Variants in LINGO2 observed in about 807,000 individuals in gnomAD.
The protein encoded by LINGO2 is leucine rich repeat and Ig domain containing 2, also known as leucine-rich repeat and immunoglobulin-like domain-containing nogo receptor-interacting protein 2.
A neutral mutation model predicts 30.6 loss-of-function variants in LINGO2; 14 were observed. The ratio of observed to expected loss-of-function variants is 0.46; its 90% confidence interval spans 0.30 to 0.72. The LOEUF is 0.72. Among genes scored for constraint, LINGO2 ranks in the 30% least tolerant of loss-of-function variants. The pLI, the probability that LINGO2 is intolerant of heterozygous loss-of-function variation, is 0.07. For missense variants in LINGO2, 729 were observed against 751.7 expected (o/e 0.97, Z 0.35); for synonymous variants, 317 against 288.5 (o/e 1.10, Z -1.00).
At chr9:28,812,688 A>C in the LINGO2 span, among the ~76,000 whole-genome samples, 1 of 152,216 alleles carries the variant, frequency 6.6e-6, no homozygotes, top group African/African-American at 2.4e-5. Context: ...TTTTTCTCAG[A>C]GAAAGGCTTC....
chr9:28,864,153 C>G, the LINGO2 span, among the ~76,000 whole-genome samples: 3 of 152,042 alleles, frequency 2.0e-5, no homozygotes, highest in Non-Finnish European at 4.4e-5. Context: ...CTTAGCTTCC[C>G]ACTTTATACT....
At chr9:28,741,828 A>G in the LINGO2 span, among the ~76,000 whole-genome samples, 1 of 151,740 alleles carries the variant, frequency 6.6e-6, no homozygotes, top group Non-Finnish European at 1.5e-5. Context: ...GGGCTGCAGG[A>G]GCTGACCCGG....
In LINGO2 at chr9:28,159,472, A is replaced by G. The variant is rs888275672; in HGVS notation, c.-87+135736T>C. 2.0e-5 allele frequency among the ~76,000 whole-genome samples: 3 copies of G among 148,912 alleles called. No homozygotes were observed. The South Asian group carries it at 6.2e-4, about 31-fold the overall frequency. ...AATTTTCATTTTTCATTGACAAATA[A>G]TACTTATATATATTTGTGGAGTACA... On this transcript the variant is annotated intron_variant, in intron 4 of 5. Transcript: ENST00000379992.
At chr9:28,158,053 G>A (rs1046882035) in intron 4 of LINGO2, among the ~76,000 whole-genome samples, 2 of 152,058 alleles carry the variant, frequency 1.3e-5, no homozygotes, top group Non-Finnish European at 2.9e-5. Context: ...CTTTTCATCA[G>A]TGCCTTACTC....
chr9:29,021,940 T>C, the LINGO2 span, among the ~76,000 whole-genome samples: 1 of 152,170 alleles, frequency 6.6e-6, no homozygotes, highest in Admixed American at 6.6e-5. Flanking sequence ...TATCTGTTTG[T>C]CATGAAATAT....
the LINGO2 span, among the ~76,000 whole-genome samples, chr9:28,821,459 G>A: frequency 6.6e-6 from 1 of 152,304 alleles, no homozygotes; most frequent in South Asian, 2.1e-4. Context: ...AGGCCCTTAG[G>A]AATTTATTCA....
chr9:28,933,693 A>C, the LINGO2 span, among the ~76,000 whole-genome samples: 1 of 152,184 alleles, frequency 6.6e-6, no homozygotes, highest in South Asian at 2.1e-4. Flanking sequence ...AAGATGCTGC[A>C]AAACCCACAA....
At position 28,186,833 on chromosome 9, in the gene LINGO2, AAGG is replaced by A. The variant is rs369156988; in HGVS notation, c.-87+108372_-87+108374del. Reference sequence around the variant, plus strand: ...GACCAGGGTGCCGGAGCAGATCAGCAAGGAGAAGTGTAGTAGCATATATGATCA... The same window carrying A: ...GACCAGGGTGCCGGAGCAGATCAGCAAGAAGTGTAGTAGCATATATGATCA... On this transcript the variant is annotated intron_variant, in intron 4 of 5. Coordinates refer to ENST00000379992, the Ensembl canonical transcript of LINGO2. Among the ~76,000 whole-genome samples the A allele has an allele frequency of 1.5e-3, 228 of 152,226 alleles. 8 individuals carry two copies. In the South Asian group the frequency reaches 0.038, roughly 26 times the overall value.
intron 1 of LINGO2, among the ~76,000 whole-genome samples, chr9:28,548,862 T>C (rs1193877413): frequency 6.6e-6 from 1 of 151,952 alleles, no homozygotes; most frequent in Non-Finnish European, 1.5e-5. Flanking sequence ...CCAAGGGATA[T>C]TAACTTTATT....
intron 1 of LINGO2, among the ~76,000 whole-genome samples, chr9:28,479,937 A>G (rs1214412309): frequency 5.9e-4 from 77 of 130,718 alleles, no homozygotes; most frequent in Admixed American, 2.6e-3. Flanking sequence ...ATATATATAT[A>G]TATATATATA....
intron 1 of LINGO2, among the ~76,000 whole-genome samples, chr9:28,582,154 T>C (rs960011982): frequency 6.6e-6 from 1 of 152,048 alleles, no homozygotes; most frequent in African/African-American, 2.4e-5. Context: ...GGTGCTTAAA[T>C]GACTTTGATG....
At chr9:27,981,947 A>G (rs1452112398) in intron 5 of LINGO2, among the ~76,000 whole-genome samples, 2 of 151,876 alleles carry the variant, frequency 1.3e-5, no homozygotes, top group Admixed American at 6.6e-5. Context: ...AAAATTGACC[A>G]GGAAAGAATT....
intron 4 of LINGO2, among the ~76,000 whole-genome samples, chr9:28,017,200 A>G (rs556762919): frequency 6.6e-6 from 1 of 152,288 alleles, no homozygotes; most frequent in African/African-American, 2.4e-5. Context: ...TCAAAATAAT[A>G]AGAGCCATCT....
At chr9:28,699,042 AAAAACAAAACAAAAC>A in the LINGO2 span, among the ~76,000 whole-genome samples, 2 of 149,876 alleles carry the variant, frequency 1.3e-5, no homozygotes, top group Non-Finnish European at 3.0e-5. Context: ...ACCCTGCCTC[AAAAACAAAACAAAAC>A]AAAACAAAAC....
the LINGO2 span, among the ~76,000 whole-genome samples, chr9:28,937,280 G>C: frequency 6.6e-6 from 1 of 152,088 alleles, no homozygotes; most frequent in Non-Finnish European, 1.5e-5. Flanking sequence ...ATCGCGTATG[G>C]TAAGACTTGA....
the LINGO2 span, among the ~76,000 whole-genome samples, chr9:28,875,946 AG>A: frequency 7.2e-5 from 11 of 152,150 alleles, no homozygotes; most frequent in Non-Finnish European, 1.5e-4. Context: ...TTAACAGAAG[AG>A]GTATTAATCA....
intron 4 of LINGO2, among the ~76,000 whole-genome samples, chr9:28,079,284 G>A (rs1825710813): frequency 2.6e-5 from 4 of 152,052 alleles, no homozygotes; most frequent in Admixed American, 6.6e-5. Context: ...AAACACCAGG[G>A]TTTTAGGAGA....
At chr9:28,269,118 A>G (rs1457046648) in intron 4 of LINGO2, among the ~76,000 whole-genome samples, 1 of 152,012 alleles carries the variant, frequency 6.6e-6, no homozygotes, top group East Asian at 1.9e-4. Flanking sequence ...CCCTTTTTCT[A>G]GATTTTTGTG....
At chr9:28,948,226 A>G in the LINGO2 span, among the ~76,000 whole-genome samples, 1 of 152,114 alleles carries the variant, frequency 6.6e-6, no homozygotes, top group Non-Finnish European at 1.5e-5. Context: ...ATCAAGTTAC[A>G]GTGTGTTAGA....
Sources: gnomAD v4.1 joint callset for allele counts (sites outside exome capture counted in the v4.1 genomes callset) on GRCh38, gnomAD v4.1.1 for gene constraint, MANE v1.5 for transcripts, NCBI Gene and HGNC (gene_info 2026-07-23, HGNC 2026-07-21) for gene names.